LEF1: variants seen among roughly 807,000 people sequenced by gnomAD.
LEF1 encodes the protein lymphoid enhancer binding factor 1.
A neutral mutation model predicts 51.2 loss-of-function variants in LEF1; 14 were observed. The ratio of observed to expected loss-of-function variants is 0.27; its 90% CI spans 0.18 to 0.43. The LOEUF (loss-of-function observed/expected upper bound fraction) is 0.43. Ranked by LOEUF, LEF1 falls within the 20% of genes least tolerant of loss-of-function variation. LEF1 has a pLI of 1.00. For synonymous variants in LEF1, 185 were observed against 183.2 expected, an observed-to-expected ratio of 1.01 and a Z score of -0.08; for missense variants, 386 against 512.0, an observed-to-expected ratio of 0.75 and a Z score of 2.37.
chr4:108,108,627 C>T (rs1741328480), intron 3 of LEF1, among the ~76,000 whole-genome samples: 1 of 152,128 alleles, frequency 6.6e-6, no homozygotes, highest in Non-Finnish European at 1.5e-5. Flanking sequence ...GCAAGTGCTG[C>T]AGTCCCACTT....
At chr4:108,057,753 A>G (rs1737401892) in intron 11 of LEF1, among the ~76,000 whole-genome samples, 1 of 152,212 alleles carries the variant, frequency 6.6e-6, no homozygotes, top group Admixed American at 6.5e-5. Context: ...CCAAGCACTG[A>G]ACATTAACTA....
In LEF1 at chr4:108,083,413, G is replaced by C; in HGVS notation, c.581C>G (p.Pro194Arg). ...ACCCGGAGACAAGGGATAAAAAGTA[G>C]GGATATCAGGAGCTGGAGGATGTCT... Reference protein sequence around the residue: ...MSRHPPAPDIPTFYPLSPGGV... With the variant: ...MSRHPPAPDIRTFYPLSPGGV... Residue 194 changes from proline (P) to arginine (R), a missense_variant, in exon 5 of 12, where the codon CCT becomes CGT. Around this residue, in one of 2 missense-constraint regions of LEF1, gnomAD observed 335 missense variants for 390.7 expected, o/e 0.86. Transcript: ENST00000265165. 1 of 1,613,640 alleles carries C rather than the reference G, an allele frequency of 6.2e-7. No homozygotes were observed. The highest frequency in any genetic ancestry group is 1.3e-5 in the African/African-American group (1 of 75,030).
intron 11 of LEF1, among the ~76,000 whole-genome samples, chr4:108,056,493 T>C (rs1476127105): frequency 3.3e-5 from 5 of 152,204 alleles, no homozygotes; most frequent in Non-Finnish European, 7.3e-5. Context: ...CCTGGAACAA[T>C]GGCCAGGATG....
intron 3 of LEF1, among the ~76,000 whole-genome samples, chr4:108,120,741 T>C (rs1262724826): frequency 2.0e-5 from 3 of 152,240 alleles, no homozygotes; most frequent in Non-Finnish European, 4.4e-5. Flanking sequence ...CCTGTTTCAT[T>C]ATATAATACC....
chr4:108,163,551 A>G lies in LEF1; in HGVS notation c.414+17T>C. ...TGCACTTCTGAACATAATTTGCAAC[A>G]TCAGCATGTTACTTACTGTTCTCGG... On this transcript the variant is annotated intron_variant, in intron 3 of 11. Coordinates refer to ENST00000265165, the MANE Select transcript of LEF1 (RefSeq NM_016269.5). The G allele has an allele frequency of 2.5e-6, 4 of 1,607,676 alleles. No homozygotes were observed. Among genetic ancestry groups the G allele is most frequent in the Non-Finnish European group, 3.4e-6 (4 of 1,177,694 alleles).
At chr4:108,060,592 T>C (rs1189585035) in intron 11 of LEF1, among the ~76,000 whole-genome samples, 3 of 152,064 alleles carry the variant, frequency 2.0e-5, no homozygotes, top group Non-Finnish European at 4.4e-5. Context: ...AGGGCTCTGT[T>C]CCAGAACAGA....
intron 11 of LEF1, among the ~76,000 whole-genome samples, chr4:108,051,149 T>C (rs1462704345): frequency 6.6e-6 from 1 of 152,330 alleles, no homozygotes; most frequent in East Asian, 1.9e-4. Context: ...CCACCTGTTA[T>C]TTCCTTATTC....
At chr4:108,127,888 C>G in intron 3 of LEF1, among the ~76,000 whole-genome samples, 1 of 152,096 alleles carries the variant, frequency 6.6e-6, no homozygotes, top group Non-Finnish European at 1.5e-5. Context: ...TCCTTGCATC[C>G]CTTTTTCTGG....
intron 3 of LEF1, among the ~76,000 whole-genome samples, chr4:108,148,931 G>A (rs1744159191): frequency 6.6e-6 from 1 of 152,118 alleles, no homozygotes; most frequent in African/African-American, 2.4e-5. Flanking sequence ...ATGCTGCACG[G>A]ATATCAAAGA....
intron 3 of LEF1, among the ~76,000 whole-genome samples, chr4:108,146,950 C>T (rs1050292099): frequency 2.0e-5 from 3 of 152,138 alleles, no homozygotes; most frequent in Non-Finnish European, 4.4e-5. Context: ...TTAGTCTACA[C>T]AACAGTCCTT....
intron 3 of LEF1, among the ~76,000 whole-genome samples, chr4:108,096,369 G>A (rs1160114593): frequency 6.6e-6 from 1 of 152,170 alleles, no homozygotes; most frequent in Non-Finnish European, 1.5e-5. Flanking sequence ...GCAGTGGAAG[G>A]ACGTGGGGCA....
chr4:108,068,093 C>A (rs1382514024), intron 9 of LEF1, among the ~76,000 whole-genome samples: 3 of 149,192 alleles, frequency 2.0e-5, no homozygotes, highest in Non-Finnish European at 1.5e-5. Context: ...CATGGAGAAA[C>A]CCCGTCTCTA....
Position 108,143,120 on chromosome 4 carries a change from A to T in LEF1, c.414+20448T>A, listed in dbSNP as rs150001579. 5.6e-4 allele frequency among the ~76,000 whole-genome samples: 86 copies of T among 152,288 alleles called. 1 individual carries two copies. The highest frequency in any genetic ancestry group is 9.0e-4 in the Non-Finnish European group (61 of 68,016). On this transcript the variant is annotated intron_variant, in intron 3 of 11. Transcript: ENST00000265165. The stretch of plus-strand genomic sequence containing the variant: ...GTTTGAAAGGATTTTGAATCAACAG[A>T]CCTGGCTGTAAGGTACCCAACTGTA...
intron 3 of LEF1, among the ~76,000 whole-genome samples, chr4:108,137,724 T>C (rs1293106510): frequency 3.3e-5 from 5 of 152,228 alleles, no homozygotes; most frequent in African/African-American, 1.2e-4. Context: ...TCCTAATTTA[T>C]ATTTTGTGAT....
Position 108,147,964 on chromosome 4 carries a change from A to T in LEF1, c.414+15604T>A, listed in dbSNP as rs963137902. The stretch of plus-strand genomic sequence containing the variant: ...AAATGAAAACTTATCTACCTTCATA[A>T]TATTGTTTGCCCAATTCAAATTGTA... On this transcript the variant is annotated intron_variant, in intron 3 of 11. Transcript: ENST00000265165. Among the ~76,000 whole-genome samples, 6 of 152,358 alleles carry T rather than the reference A, an allele frequency of 3.9e-5. No homozygotes were observed. The South Asian group carries it at 1.0e-3, about 26-fold the overall frequency.
intron 3 of LEF1, among the ~76,000 whole-genome samples, chr4:108,133,608 A>C (rs1401200629): frequency 6.6e-6 from 1 of 152,172 alleles, no homozygotes; most frequent in African/African-American, 2.4e-5. Context: ...ACTGGACTCG[A>C]ACTCCTGGGC....
intron 3 of LEF1, among the ~76,000 whole-genome samples, chr4:108,133,275 A>C (rs888055754): frequency 6.6e-6 from 1 of 152,320 alleles, no homozygotes; most frequent in Middle Eastern, 3.4e-3. Flanking sequence ...TCTGGAGACC[A>C]CACTTTGAAA....
intron 3 of LEF1, among the ~76,000 whole-genome samples, chr4:108,089,645 T>G (rs2110268305): frequency 6.6e-6 from 1 of 152,336 alleles, no homozygotes; most frequent in South Asian, 2.1e-4. Flanking sequence ...TTACAACATT[T>G]GTATTCACTA....
At chr4:108,062,645 G>A (rs2126264993) in intron 11 of LEF1, among the ~76,000 whole-genome samples, 1 of 152,302 alleles carries the variant, frequency 6.6e-6, no homozygotes, top group South Asian at 2.1e-4. Context: ...AATCCCTCCA[G>A]GAGCAACGTG....
Sources: allele counts gnomAD v4.1 joint callset (sites outside exome capture counted in the v4.1 genomes callset), GRCh38; gene constraint gnomAD v4.1.1; regional missense constraint gnomAD v4.1.1; transcripts MANE v1.5; gene names NCBI Gene and HGNC (gene_info 2026-07-23, HGNC 2026-07-21).